Variants in ANKRD31 observed in about 807,000 individuals in gnomAD.
The protein encoded by ANKRD31 is ankyrin repeat domain-containing protein 31.
ANKRD31 carries 147 observed loss-of-function variants against 186.0 expected under a neutral mutation model. The ratio of observed to expected loss-of-function variants is 0.79; its 90% CI spans 0.69 to 0.91. ANKRD31 has a LOEUF of 0.91. Ranked by LOEUF, ANKRD31 falls within the 40% of genes least tolerant of loss-of-function variation. The probability of loss-of-function intolerance (pLI) is 0.00; values close to 1 mark genes in which losing one functional copy is unlikely to be tolerated. For missense variants in ANKRD31, 1,986 were observed against 2,148.8 expected, an observed-to-expected ratio of 0.92 and a Z score of 1.50; for synonymous variants, 673 against 736.4, an observed-to-expected ratio of 0.91 and a Z score of 1.39.
chr5:75,136,115 T>C (rs891137706), intron 17 of ANKRD31, among the ~76,000 whole-genome samples: 1 of 152,166 alleles, frequency 6.6e-6, no homozygotes, highest in Admixed American at 6.5e-5. Context: ...AAGGACTTCA[T>C]GACTAAATCA....
At chr5:75,151,380 G>T (rs1321756451) in intron 12 of ANKRD31, among the ~76,000 whole-genome samples, 1 of 151,994 alleles carries the variant, frequency 6.6e-6, no homozygotes, top group Non-Finnish European at 1.5e-5. Flanking sequence ...CATGTGTCAT[G>T]GGAGGAACCC....
chr5:75,135,347 T>C (rs1455939386), intron 17 of ANKRD31, among the ~76,000 whole-genome samples: 3 of 152,118 alleles, frequency 2.0e-5, no homozygotes, highest in Non-Finnish European at 4.4e-5. Flanking sequence ...TGTGCAAAAA[T>C]CACAGGCATT....
intron 12 of ANKRD31, 34 bp from the exon 13 acceptor site, chr5:75,148,662 C>T (rs929642085): frequency 2.7e-6 from 4 of 1,489,316 alleles, no homozygotes; most frequent in Non-Finnish European, 3.6e-6. Context: ...ATGAAAACAG[C>T]TTCTAGTGTT....
At chr5:75,117,461 T>C (rs911219487) in intron 18 of ANKRD31, among the ~76,000 whole-genome samples, 1 of 152,094 alleles carries the variant, frequency 6.6e-6, no homozygotes, top group Non-Finnish European at 1.5e-5. Context: ...ACAATGAATA[T>C]CCTTAGCTCT....
At chr5:75,156,871 T>C (rs1752216288) in intron 11 of ANKRD31, among the ~76,000 whole-genome samples, 2 of 152,222 alleles carry the variant, frequency 1.3e-5, no homozygotes, top group Admixed American at 1.3e-4. Context: ...GATTTTGGAC[T>C]TCTAGTCTGT....
rs1267020410 is a variant in ANKRD31 at position 75,112,590 on chromosome 5, A to G, written c.4166T>C (p.Leu1389Pro). The change falls in exon 20 of 26, where the codon CTC (leucine) becomes CCC (proline). Residue 1389 changes from leucine to proline, a missense_variant. Leu to Pro is a moderately conservative substitution (Grantham distance 98, BLOSUM62 -3). Transcript: ENST00000506364. ...TTCTATATCTTGTAGAATGGCACTG[A>G]GGGTCTGATGCTATCAGATAAAAAT... ...SRESLSVHQTLSAILQDIEEK... is the reference protein window; with the variant it reads ...SRESLSVHQTPSAILQDIEEK... The G allele has an allele frequency of 6.6e-7, 1 of 1,520,298 alleles. No homozygotes were observed. Among genetic ancestry groups the G allele is most frequent in the Admixed American group, 2.0e-5 (1 of 49,938 alleles). The allele number at this position is 1,520,298 out of a possible 1,614,324, so 94.2% of individuals were successfully genotyped here. A position where few individuals can be genotyped will look rare whatever the true frequency, so the allele number is the denominator to read the frequency against.
chr5:75,125,293 ATATTT>A (rs1482585366), intron 17 of ANKRD31, among the ~76,000 whole-genome samples: 1 of 152,142 alleles, frequency 6.6e-6, no homozygotes, highest in African/African-American at 2.4e-5. Flanking sequence ...AAACGATAAA[ATATTT>A]TATTTTTCTA....
At chr5:75,186,812 A>G (rs1436878994) in intron 10 of ANKRD31, among the ~76,000 whole-genome samples, 1 of 152,172 alleles carries the variant, frequency 6.6e-6, no homozygotes, top group Non-Finnish European at 1.5e-5. Context: ...CCACTATTAC[A>G]TTTTGTTCAT....
chr5:75,172,381 C>T (rs1484104185), intron 10 of ANKRD31, among the ~76,000 whole-genome samples: 4 of 147,648 alleles, frequency 2.7e-5, no homozygotes, highest in Non-Finnish European at 6.0e-5. Context: ...AAAAAAAACT[C>T]TGTAAATTAA....
chr5:75,075,599 A>C (rs1744573171), intron 25 of ANKRD31, among the ~76,000 whole-genome samples: 1 of 152,182 alleles, frequency 6.6e-6, no homozygotes, highest in South Asian at 2.1e-4. Flanking sequence ...TTAAATATAA[A>C]AGAAAAGTGA....
At chr5:75,178,912 C>T (rs1371275943) in intron 10 of ANKRD31, among the ~76,000 whole-genome samples, 14 of 152,072 alleles carry the variant, frequency 9.2e-5, no homozygotes, top group Non-Finnish European at 1.8e-4. Context: ...AATAGAGACA[C>T]AAAAAACGCT....
intron 25 of ANKRD31, among the ~76,000 whole-genome samples, chr5:75,073,645 CT>C (rs1295551020): frequency 6.6e-6 from 1 of 152,138 alleles, no homozygotes; most frequent in African/African-American, 2.4e-5. Flanking sequence ...AATGTTAAAC[CT>C]TTTTTTCCTT....
rs750322650 is a variant in ANKRD31 at position 75,169,136 on chromosome 5, G to C, written c.1565-15C>G. 2.2e-5 allele frequency: 33 copies of C among 1,529,484 alleles called. No homozygotes were observed. In the African/African-American group the frequency reaches 4.4e-4, roughly 20 times the overall value. The allele number at this position is 1,529,484 out of a possible 1,614,324, so 94.7% of individuals were successfully genotyped here. A position where few individuals can be genotyped will look rare whatever the true frequency, so the allele number is the denominator to read the frequency against. On this transcript the variant is annotated splice_polypyrimidine_tract_variant and intron_variant, in intron 10 of 25. Transcript: ENST00000506364. The stretch of plus-strand genomic sequence containing the variant: ...TGCTGTCCAACCTATCATACAAAAA[G>C]ATACGGCATTTGTTTACATTTGGCA...
At chr5:75,075,966 G>C (rs1397594364) in intron 25 of ANKRD31, among the ~76,000 whole-genome samples, 1 of 152,044 alleles carries the variant, frequency 6.6e-6, no homozygotes, top group African/African-American at 2.4e-5. Flanking sequence ...TAAAATTTTT[G>C]AACTCAGTCT....
chr5:75,070,751 T>C (rs1002297971), intron 25 of ANKRD31, among the ~76,000 whole-genome samples: 2 of 152,252 alleles, frequency 1.3e-5, no homozygotes, highest in African/African-American at 4.8e-5. Context: ...ATCTTTCATA[T>C]ACTTAGCATC....
At chr5:75,234,254 G>T (rs1298777656) in intron 1 of ANKRD31, among the ~76,000 whole-genome samples, 1 of 152,190 alleles carries the variant, frequency 6.6e-6, no homozygotes, top group African/African-American at 2.4e-5. Flanking sequence ...ATATACCAAA[G>T]TCTTAATACA....
At chr5:75,203,811 T>TA (rs1488581195) in intron 5 of ANKRD31, among the ~76,000 whole-genome samples, 1 of 152,198 alleles carries the variant, frequency 6.6e-6, no homozygotes, top group Non-Finnish European at 1.5e-5. Flanking sequence ...CTTCAACCTC[T>TA]AAGATGACAT....
chr5:75,172,646 T>C (rs138441350), intron 10 of ANKRD31, among the ~76,000 whole-genome samples: 3 of 151,906 alleles, frequency 2.0e-5, no homozygotes, highest in East Asian at 3.9e-4. Flanking sequence ...AGAAGAAATG[T>C]ATAAATTCCT....
At chr5:75,225,065 AT>A (rs1489453071) in intron 2 of ANKRD31, among the ~76,000 whole-genome samples, 1 of 152,206 alleles carries the variant, frequency 6.6e-6, no homozygotes, top group East Asian at 1.9e-4. Context: ...GATACTTTTT[AT>A]TTGACACAGA....
Sources: gnomAD v4.1 joint callset for allele counts (sites outside exome capture counted in the v4.1 genomes callset) on GRCh38, gnomAD v4.1.1 for gene constraint, MANE v1.5 for transcripts, NCBI Gene and HGNC (gene_info 2026-07-23, HGNC 2026-07-21) for gene names.